CFAP96: variants seen among roughly 807,000 people sequenced by gnomAD.
CFAP96 encodes cilia-and flagella-associated protein 96.
chr4:185,421,223 A>G, the CFAP96 span, among the ~76,000 whole-genome samples: 2 of 152,198 alleles, frequency 1.3e-5, no homozygotes, highest in South Asian at 2.1e-4. Flanking sequence ...TATTAGTTGA[A>G]GGGATGGGTG....
the CFAP96 span, chr4:185,413,818 T>C: frequency 8.7e-6 from 14 of 1,613,454 alleles, no homozygotes; most frequent in Non-Finnish European, 1.2e-5. Context: ...TGATAAGCAT[T>C]AGACCTTTTG....
At chr4:185,443,320 GTATATA>G in the CFAP96 span, among the ~76,000 whole-genome samples, 110 of 55,990 alleles carry the variant, frequency 2.0e-3, 5 homozygotes, top group Admixed American at 4.8e-3. Context: ...TATTTTTTAT[GTATATA>G]TATATATATA....
chr4:185,431,627 CACTG>C, the CFAP96 span, among the ~76,000 whole-genome samples: 5 of 152,230 alleles, frequency 3.3e-5, no homozygotes, highest in African/African-American at 1.2e-4. Context: ...CACACACTCT[CACTG>C]ACATCTCACA....
chr4:185,448,765 G>A, the CFAP96 span, among the ~76,000 whole-genome samples: 1 of 152,130 alleles, frequency 6.6e-6, no homozygotes, highest in Non-Finnish European at 1.5e-5. Context: ...CCCTCTGATA[G>A]ATGGAACTTT....
chr4:185,431,113 G>T, the CFAP96 span, among the ~76,000 whole-genome samples: 26 of 151,596 alleles, frequency 1.7e-4, no homozygotes, highest in Admixed American at 3.9e-4. Flanking sequence ...GGGAGGCTGA[G>T]GCAGGAGAAT....
the CFAP96 span, chr4:185,418,436 C>T: frequency 6.3e-7 from 1 of 1,598,924 alleles, no homozygotes. Context: ...AGATAGTTTG[C>T]TTACCATGTC....
At chr4:185,447,233 A>G in the CFAP96 span, among the ~76,000 whole-genome samples, 2,619 of 150,596 alleles carry the variant, frequency 0.017, 47 homozygotes, top group Middle Eastern at 0.059. Flanking sequence ...CCAGGCTGGA[A>G]TGCAGTGGCA....
chr4:185,444,914 G>T, the CFAP96 span: 1 of 1,503,866 alleles, frequency 6.6e-7, no homozygotes, highest in South Asian at 1.2e-5. Context: ...AGCTAATTTT[G>T]TAGAGGCATT....
chr4:185,448,874 AC>A, the CFAP96 span, among the ~76,000 whole-genome samples: 1 of 144,310 alleles, frequency 6.9e-6, no homozygotes, highest in Non-Finnish European at 1.5e-5. Flanking sequence ...GAACTTTGGA[AC>A]AGGGAGAAAG....
At chr4:185,412,583 C>T in the CFAP96 span, among the ~76,000 whole-genome samples, 1 of 152,176 alleles carries the variant, frequency 6.6e-6, no homozygotes, top group South Asian at 2.1e-4. Context: ...GCAGGAAATG[C>T]AGTTGGAATG....
chr4:185,421,907 C>A, the CFAP96 span, among the ~76,000 whole-genome samples: 1 of 152,192 alleles, frequency 6.6e-6, no homozygotes, highest in East Asian at 1.9e-4. Flanking sequence ...CAGCCAAATG[C>A]CTGTTGGGAA....
chr4:185,415,377 CAA>C, the CFAP96 span: 3 of 1,515,434 alleles, frequency 2.0e-6, no homozygotes, highest in Middle Eastern at 2.0e-4. Context: ...AGTGTATTAA[CAA>C]AAGTTATAGT....
the CFAP96 span, among the ~76,000 whole-genome samples, chr4:185,429,917 C>T: frequency 6.6e-6 from 1 of 152,160 alleles, no homozygotes; most frequent in African/African-American, 2.4e-5. Context: ...GAGACCCTCC[C>T]CACTCAGCGT....
At chr4:185,419,590 A>G in the CFAP96 span, among the ~76,000 whole-genome samples, 3 of 152,232 alleles carry the variant, frequency 2.0e-5, no homozygotes, top group African/African-American at 7.2e-5. Context: ...AAAGAATTTC[A>G]GCATACTACC....
the CFAP96 span, among the ~76,000 whole-genome samples, chr4:185,423,470 T>C: frequency 2.0e-5 from 3 of 152,166 alleles, no homozygotes; most frequent in Non-Finnish European, 4.4e-5. Context: ...GTGATATGCA[T>C]TTAGAATCTC....
the CFAP96 span, chr4:185,445,246 G>T: frequency 1.1e-6 from 1 of 944,498 alleles, no homozygotes; most frequent in East Asian, 2.6e-5. Flanking sequence ...AAATGTGGGT[G>T]ACTTTAGACA....
At chr4:185,428,560 A>G in the CFAP96 span, among the ~76,000 whole-genome samples, 1 of 49,262 alleles carries the variant, frequency 2.0e-5, no homozygotes, top group African/African-American at 7.9e-5. Context: ...ACTGTCTAAA[A>G]AAAAAAAAAA....
the CFAP96 span, among the ~76,000 whole-genome samples, chr4:185,417,524 C>T: frequency 6.6e-6 from 1 of 152,184 alleles, no homozygotes; most frequent in East Asian, 1.9e-4. Context: ...TGCAATCCCT[C>T]TTCTCTATTT....
At chr4:185,415,815 G>C in the CFAP96 span, 2 of 1,613,688 alleles carry the variant, frequency 1.2e-6, no homozygotes, top group Non-Finnish European at 1.7e-6. Context: ...GGGCGTTACA[G>C]CTGCCAGGGA....
Sources: allele counts gnomAD v4.1 joint callset (sites outside exome capture counted in the v4.1 genomes callset), GRCh38; gene constraint gnomAD v4.1.1; transcripts MANE v1.5; gene names NCBI Gene and HGNC (gene_info 2026-07-23, HGNC 2026-07-21).